GREM2: variants seen among roughly 807,000 people sequenced by gnomAD.
The protein encoded by GREM2 is gremlin-2.
Under a neutral mutation model 14.2 loss-of-function variants are expected in GREM2, and 11 were observed. That is an observed-to-expected ratio of 0.78 (90% CI 0.49 to 1.28). The LOEUF (loss-of-function observed/expected upper bound fraction) is 1.28. Among genes scored for constraint, GREM2 ranks in the 50% most tolerant of loss-of-function variants. The probability of loss-of-function intolerance (pLI) is 0.00; values close to 1 mark genes in which losing one functional copy is unlikely to be tolerated. For missense variants in GREM2, 210 were observed against 218.5 expected, an observed-to-expected ratio of 0.96 and a Z score of 0.24; for synonymous variants, 98 against 97.6, an observed-to-expected ratio of 1.00 and a Z score of -0.02.
At chr1:240,589,928 G>C (rs1056188136) in intron 1 of GREM2, among the ~76,000 whole-genome samples, 1 of 152,114 alleles carries the variant, frequency 6.6e-6, no homozygotes, top group African/African-American at 2.4e-5. Flanking sequence ...ATGTTGGAGT[G>C]GGGAAGGAGG....
chr1:240,521,770 T>C (rs1214942017), intron 1 of GREM2, among the ~76,000 whole-genome samples: 1 of 152,002 alleles, frequency 6.6e-6, no homozygotes, highest in Non-Finnish European at 1.5e-5. Flanking sequence ...TCATACACAT[T>C]GGTGGTCACA....
At chr1:240,505,789 T>A (rs1298447661) in intron 1 of GREM2, among the ~76,000 whole-genome samples, 2 of 151,960 alleles carry the variant, frequency 1.3e-5, no homozygotes, top group East Asian at 3.9e-4. Flanking sequence ...CTTTTATATA[T>A]AAAACCTATT....
chr1:240,606,257 G>A (rs1298471886), intron 1 of GREM2, among the ~76,000 whole-genome samples: 3 of 152,112 alleles, frequency 2.0e-5, no homozygotes, highest in African/African-American at 7.2e-5. Flanking sequence ...CTGCCCTCAG[G>A]GGAGCTTGAA....
intron 1 of GREM2, among the ~76,000 whole-genome samples, chr1:240,584,858 G>A (rs1307495631): frequency 1.3e-5 from 2 of 152,146 alleles, no homozygotes; most frequent in African/African-American, 4.8e-5. Flanking sequence ...TTTCTATTAG[G>A]GATGTGAGCA....
intron 1 of GREM2, among the ~76,000 whole-genome samples, chr1:240,494,231 C>T (rs1677352663): frequency 6.6e-6 from 1 of 152,280 alleles, no homozygotes; most frequent in East Asian, 1.9e-4. Context: ...GTATTATGAC[C>T]CCTTTACAGT....
intron 1 of GREM2, among the ~76,000 whole-genome samples, chr1:240,563,484 A>G (rs1679115048): frequency 6.6e-6 from 1 of 152,210 alleles, no homozygotes. Context: ...ACAAGAACAG[A>G]ATAGCTGAGG....
intron 1 of GREM2, among the ~76,000 whole-genome samples, chr1:240,544,202 C>T (rs544138926): frequency 1.1e-4 from 17 of 148,042 alleles, no homozygotes; most frequent in Admixed American, 1.0e-3. Flanking sequence ...GGCTGGAGTG[C>T]AGTGGCGCAA....
intron 1 of GREM2, among the ~76,000 whole-genome samples, chr1:240,591,049 G>C (rs1234730499): frequency 6.6e-6 from 1 of 152,078 alleles, no homozygotes; most frequent in Non-Finnish European, 1.5e-5. Context: ...CGAAGTGCTG[G>C]GATTACAGGC....
At chr1:240,526,967 T>A (rs1469158028) in intron 1 of GREM2, among the ~76,000 whole-genome samples, 1 of 152,192 alleles carries the variant, frequency 6.6e-6, no homozygotes, top group Non-Finnish European at 1.5e-5. Flanking sequence ...TTAGCTGATG[T>A]TCTACCAGCT....
chr1:240,592,899 C>T (rs571998159), intron 1 of GREM2, among the ~76,000 whole-genome samples: 1 of 151,406 alleles, frequency 6.6e-6, no homozygotes, highest in South Asian at 2.1e-4. Context: ...GTTGGGAAGC[C>T]AAGGCAGGCG....
rs146718728 is a variant in GREM2 at position 240,558,469 on chromosome 1, G to A, written c.-2+53415C>T. On this transcript the variant is annotated intron_variant, in intron 1 of 1. Coordinates refer to ENST00000318160, the MANE Select transcript of GREM2 (RefSeq NM_022469.4). ...ATTGAAATTAATTAATTAAATTAATGGAAAAATGAAATTAAATAAATAGAA... is the reference window on the plus strand; with the variant it reads ...ATTGAAATTAATTAATTAAATTAATAGAAAAATGAAATTAAATAAATAGAA... 4.1e-3 allele frequency among the ~76,000 whole-genome samples: 622 copies of A among 151,742 alleles called. 3 individuals carry two copies. Among genetic ancestry groups the A allele is most frequent in the Non-Finnish European group, 5.1e-3 (348 of 67,994 alleles).
intron 1 of GREM2, among the ~76,000 whole-genome samples, chr1:240,511,899 C>T (rs7540147): frequency 0.56 from 84,605 of 151,954 alleles, 23,810 homozygotes; most frequent in Middle Eastern, 0.69. Flanking sequence ...ATGAATGAGA[C>T]AGCTGCTGCA....
intron 1 of GREM2, among the ~76,000 whole-genome samples, chr1:240,593,147 G>C (rs1301599607): frequency 6.6e-6 from 1 of 151,516 alleles, no homozygotes; most frequent in African/African-American, 2.4e-5. Flanking sequence ...TCCATCTCAA[G>C]AAAAGAAAAA....
At chr1:240,586,564 G>T (rs542100953) in intron 1 of GREM2, among the ~76,000 whole-genome samples, 1 of 152,148 alleles carries the variant, frequency 6.6e-6, no homozygotes, top group Non-Finnish European at 1.5e-5. Flanking sequence ...ATGTAAGGAA[G>T]GAAGTGGACC....
rs370650310 is a variant in GREM2 at position 240,496,740 on chromosome 1, C to T, written c.-1-3264G>A. Among the ~76,000 whole-genome samples, 8 of 152,186 alleles carry T rather than the reference C, an allele frequency of 5.3e-5. No homozygotes were observed. The East Asian group carries it at 7.7e-4, about 15-fold the overall frequency. On this transcript the variant is annotated intron_variant, in intron 1 of 1. Coordinates refer to ENST00000318160, the MANE Select transcript of GREM2 (RefSeq NM_022469.4). ...ATAAATGTGTTAAGGCCAGGCTCAG[C>T]GGCTCATGCCTGTAATCCCAGCACT...
At chr1:240,572,738 A>T (rs754704663) in intron 1 of GREM2, among the ~76,000 whole-genome samples, 29 of 152,184 alleles carry the variant, frequency 1.9e-4, no homozygotes, top group Non-Finnish European at 7.3e-5. Flanking sequence ...GATGGAACTG[A>T]CTAAATATTT....
chr1:240,601,514 T>G (rs1679923819), intron 1 of GREM2, among the ~76,000 whole-genome samples: 1 of 152,142 alleles, frequency 6.6e-6, no homozygotes, highest in African/African-American at 2.4e-5. Flanking sequence ...CTGTGTAAAG[T>G]TAGGAAATTT....
intron 1 of GREM2, among the ~76,000 whole-genome samples, chr1:240,562,653 T>C (rs1314847598): frequency 2.0e-5 from 3 of 152,154 alleles, no homozygotes; most frequent in Non-Finnish European, 4.4e-5. Context: ...ATATTTGACA[T>C]AGGCTTTTCT....
intron 1 of GREM2, among the ~76,000 whole-genome samples, chr1:240,497,553 G>C (rs1677456529): frequency 6.6e-6 from 1 of 151,898 alleles, no homozygotes; most frequent in South Asian, 2.1e-4. Flanking sequence ...ATTCCTCAGG[G>C]CGATGATATG....
Sources: gnomAD v4.1 joint callset for allele counts (sites outside exome capture counted in the v4.1 genomes callset) on GRCh38, gnomAD v4.1.1 for gene constraint, MANE v1.5 for transcripts, NCBI Gene and HGNC (gene_info 2026-07-23, HGNC 2026-07-21) for gene names.